MMRN1: variants seen among roughly 807,000 people sequenced by gnomAD.
MMRN1 encodes multimerin-1.
MMRN1 carries 94 observed loss-of-function variants against 100.7 expected under a neutral mutation model. The ratio of observed to expected loss-of-function variants is 0.93; its 90% CI spans 0.79 to 1.11. MMRN1 has a LOEUF of 1.11. MMRN1 is among the 50% of genes least tolerant of loss of function. The pLI, the probability that MMRN1 is intolerant of heterozygous loss-of-function variation, is 0.00. For missense variants in MMRN1, 1,606 were observed against 1,439.1 expected (o/e 1.12, Z -1.88); for synonymous variants, 575 against 505.0 (o/e 1.14, Z -1.86).
chr4:89,951,768 C>T lies in MMRN1; in HGVS notation c.3265+17C>T, dbSNP rs1206858453. ...TAGCTCCAGGTAAAAAAAAAGTATA[C>T]GCATCTTTGGATTTGCTCATTGTCA... On this transcript the variant is annotated intron_variant, in intron 7 of 7. Coordinates refer to ENST00000264790, the MANE Select transcript of MMRN1 (RefSeq NM_007351.3). 6.2e-6 allele frequency: 10 copies of T among 1,608,376 alleles called. No individual in the cohort carries two copies. The highest frequency in any genetic ancestry group is 2.2e-5 in the East Asian group (1 of 44,468).
At chr4:89,916,456 A>G in intron 3 of MMRN1, among the ~76,000 whole-genome samples, 1 of 151,546 alleles carries the variant, frequency 6.6e-6, no homozygotes, top group East Asian at 1.9e-4. Flanking sequence ...CCCACATGCA[A>G]TTACATTAAT....
intron 3 of MMRN1, among the ~76,000 whole-genome samples, chr4:89,920,801 A>T (rs1722063007): frequency 6.6e-6 from 1 of 151,504 alleles, no homozygotes; most frequent in Non-Finnish European, 1.5e-5. Flanking sequence ...TCACCTGTAG[A>T]GTTTTGTTTT....
intron 1 of MMRN1, among the ~76,000 whole-genome samples, chr4:89,880,270 T>A (rs546985682): frequency 2.0e-5 from 3 of 152,276 alleles, no homozygotes; most frequent in African/African-American, 7.2e-5. Context: ...AGCTGCCATA[T>A]CTTGGGCAGT....
At chr4:89,941,256 T>C (rs1049352157) in intron 6 of MMRN1, among the ~76,000 whole-genome samples, 11 of 152,176 alleles carry the variant, frequency 7.2e-5, no homozygotes, top group African/African-American at 2.4e-4. Flanking sequence ...GGTAATTCAA[T>C]AGAAGTGCTC....
At chr4:89,910,230 G>A (rs1721705382) in intron 2 of MMRN1, among the ~76,000 whole-genome samples, 1 of 151,310 alleles carries the variant, frequency 6.6e-6, no homozygotes, top group Non-Finnish European at 1.5e-5. Flanking sequence ...AGGGATTTGG[G>A]AGAGCTGAAC....
Position 89,927,838 on chromosome 4 carries a change from G to A in MMRN1, c.999G>A (p.Met333Ile), listed in dbSNP as rs1468762917. 6.2e-7 allele frequency: 1 copy of A among 1,612,472 alleles called. No homozygotes were observed. The highest frequency in any genetic ancestry group is 1.1e-5 in the South Asian group (1 of 90,774). Residue 333 changes from methionine (M) to isoleucine (I), a missense_variant, in exon 5 of 8, where the codon ATG becomes ATA. By Grantham distance (10) the Met-to-Ile change is conservative (BLOSUM62 1). Coordinates refer to ENST00000264790, the MANE Select transcript of MMRN1 (RefSeq NM_007351.3). ...KMTDQVNYQA[M>I]KLTLLQKKID... Reference sequence around the variant, plus strand: ...CTGATCAGGTGAACTACCAGGCAATGAAACTGACTCTTCTGCAGAAGAAGA... The same window carrying A: ...CTGATCAGGTGAACTACCAGGCAATAAAACTGACTCTTCTGCAGAAGAAGA...
intron 1 of MMRN1, among the ~76,000 whole-genome samples, chr4:89,887,968 T>C (rs1266752133): frequency 6.6e-6 from 1 of 152,002 alleles, no homozygotes; most frequent in Non-Finnish European, 1.5e-5. Flanking sequence ...CCTCCAATTA[T>C]AGGTATGTTG....
rs766488356 is a variant in MMRN1, at chr4:89,953,159, G to A, written c.3428G>A (p.Gly1143Glu). The change falls in exon 8 of 8, where the codon GGA (glycine) becomes GAA (glutamate). Residue 1143 changes from glycine (G) to glutamate (E), a missense_variant. By Grantham distance (98) the Gly-to-Glu change is moderately conservative. Transcript: ENST00000264790. The part of the protein sequence containing the change: ...RTGKFRIPYL[G>E]VYVFKYTIES... ...GGAAAATTTAGAATTCCGTATCTTG[G>A]AGTATATGTTTTCAAGTACACCATC... 56 of 1,613,654 alleles carry A rather than the reference G, an allele frequency of 3.5e-5. No homozygotes were observed. The highest frequency in any genetic ancestry group is 4.2e-5 in the Non-Finnish European group (50 of 1,179,850).
intron 6 of MMRN1, among the ~76,000 whole-genome samples, chr4:89,949,515 G>A (rs1475269618): frequency 6.6e-6 from 1 of 152,050 alleles, no homozygotes; most frequent in Non-Finnish European, 1.5e-5. Flanking sequence ...TTTTAATGCA[G>A]GAAAATAATG....
chr4:89,946,185 G>A (rs565225381), intron 6 of MMRN1, among the ~76,000 whole-genome samples: 8 of 152,284 alleles, frequency 5.3e-5, no homozygotes, highest in Admixed American at 5.2e-4. Context: ...ATTTTACAGA[G>A]CATTGGAATC....
chr4:89,933,715 C>G (rs943420083), intron 5 of MMRN1, among the ~76,000 whole-genome samples: 9 of 152,024 alleles, frequency 5.9e-5, no homozygotes, highest in Non-Finnish European at 1.0e-4. Flanking sequence ...GGGAAAAAAC[C>G]CACCCCCGTG....
chr4:89,889,870 T>G (rs1038720360), upstream of MMRN1, among the ~76,000 whole-genome samples: 1 of 152,078 alleles, frequency 6.6e-6, no homozygotes, highest in Non-Finnish European at 1.5e-5. Context: ...CTCTAGTACA[T>G]TCTCATTTCT....
chr4:89,903,962 A>G (rs1026370298), intron 1 of MMRN1, among the ~76,000 whole-genome samples: 1 of 149,210 alleles, frequency 6.7e-6, no homozygotes, highest in African/African-American at 2.5e-5. Context: ...CTATGTGTGC[A>G]GTTAAAAGGA....
chr4:89,948,519 C>T (rs1031251909), intron 6 of MMRN1, among the ~76,000 whole-genome samples: 16 of 152,022 alleles, frequency 1.1e-4, no homozygotes, highest in Non-Finnish European at 1.5e-5. Flanking sequence ...TACATCAGAG[C>T]ACAGGAGACC....
chr4:89,928,395 T>A (rs1352934157), intron 5 of MMRN1, among the ~76,000 whole-genome samples: 2 of 152,100 alleles, frequency 1.3e-5, no homozygotes, highest in African/African-American at 4.8e-5. Context: ...TCCCCCAAAT[T>A]TTCTAGGTTA....
chr4:89,886,382 C>T (rs1340827547), intron 1 of MMRN1, among the ~76,000 whole-genome samples: 2 of 152,018 alleles, frequency 1.3e-5, no homozygotes, highest in East Asian at 3.9e-4. Flanking sequence ...TTTATTGTAA[C>T]TTAACAGTTT....
At chr4:89,922,247 G>A (rs190475860) in intron 3 of MMRN1, among the ~76,000 whole-genome samples, 122 of 152,026 alleles carry the variant, frequency 8.0e-4, no homozygotes, top group African/African-American at 2.9e-3. Flanking sequence ...TGGAATTACA[G>A]GCACCTGAGC....
intron 5 of MMRN1, among the ~76,000 whole-genome samples, chr4:89,932,442 A>G (rs1722470700): frequency 6.6e-6 from 1 of 152,180 alleles, no homozygotes; most frequent in Non-Finnish European, 1.5e-5. Context: ...CAGCTCCACT[A>G]GGCAGTGCCC....
At chr4:89,943,845 C>A (rs941316413) in intron 6 of MMRN1, among the ~76,000 whole-genome samples, 1 of 151,968 alleles carries the variant, frequency 6.6e-6, no homozygotes, top group Non-Finnish European at 1.5e-5. Flanking sequence ...CAAAAATTAG[C>A]CAGGTGTAGT....
Sources: gnomAD v4.1 joint callset for allele counts (sites outside exome capture counted in the v4.1 genomes callset) on GRCh38, gnomAD v4.1.1 for gene constraint, MANE v1.5 for transcripts, NCBI Gene and HGNC (gene_info 2026-07-23, HGNC 2026-07-21) for gene names.